Variants in PGLYRP1 observed in about 807,000 individuals in gnomAD.
PGLYRP1 encodes the protein peptidoglycan recognition protein 1.
PGLYRP1 carries 18 observed loss-of-function variants against 16.3 expected under a neutral mutation model. That is an observed-to-expected ratio of 1.11 (90% CI 0.77 to 1.64). The LOEUF (loss-of-function observed/expected upper bound fraction) is 1.64, where lower values mean the gene tolerates loss of function less well. Ranked by LOEUF, PGLYRP1 falls within the 40% of genes most tolerant of loss-of-function variation. The pLI, the probability that PGLYRP1 is intolerant of heterozygous loss-of-function variation, is 0.00. For missense variants in PGLYRP1, 261 were observed against 268.6 expected, an observed-to-expected ratio of 0.97 and a Z score of 0.20; for synonymous variants, 89 against 105.7, an observed-to-expected ratio of 0.84 and a Z score of 0.97.
In PGLYRP1 at chr19:46,019,661, T is replaced by TG. The variant is rs770958509; in HGVS notation, c.288-15dup. ...CCAATCAGGAAGCTGCATGGGGAGG[T>TG]GGGGGGGCTTGATGAGTGAGGGAGG... is the stretch of plus-strand genomic sequence containing the variant. On this transcript the variant is annotated splice_polypyrimidine_tract_variant and intron_variant, in intron 1 of 2. Transcript: ENST00000008938. This position sits in a 1 kb window ranked among gnomAD's most constrained non-coding sequence, Gnocchi z 4.8. The TG allele has an allele frequency of 8.7e-6, 14 of 1,609,682 alleles. No individual in the cohort carries two copies. Among genetic ancestry groups the TG allele is most frequent in the Admixed American group, 1.7e-5 (1 of 59,772 alleles).
At chr19:46,021,038 A>T (rs2041991) in intron 1 of PGLYRP1, 57,566 of 152,176 alleles carry the variant, frequency 0.38, 11,361 homozygotes, top group South Asian at 0.51. Flanking sequence ...TTGAAACCTC[A>T]GCCACCATCG....
intron 1 of PGLYRP1, 117 bp downstream of exon 1, chr19:46,022,618 C>T: frequency 8.6e-7 from 1 of 1,168,666 alleles, no homozygotes; most frequent in Non-Finnish European, 1.2e-6. Flanking sequence ...GTAAGCTGCT[C>T]AGGGTGTCAG....
rs141970061 is a variant in PGLYRP1, at chr19:46,019,623, G to C, written c.312C>G (p.Leu104=). ...AGTTCCAGCCACGGCCCTCGTATAC[G>C]AGCCCGTCTTCTCCAATCAGGAAGC... The part of the protein sequence containing the change: ...GYNFLIGEDG[L]VYEGRGWNFT... Residue 104 remains leucine (L), a synonymous_variant, in exon 2 of 3, where the codon CTC becomes CTG. Transcript: ENST00000008938. The surrounding 1 kb of genome is among the most constrained non-coding windows in gnomAD (Gnocchi z 4.8). 11,378 of 1,613,684 alleles carry C rather than the reference G, an allele frequency of 7.1e-3. 62 individuals are homozygous for C. Among genetic ancestry groups the C allele is most frequent in the Non-Finnish European group, 7.3e-3 (8,623 of 1,179,942 alleles).
chr19:46,022,279 A>G (rs1305825371), intron 1 of PGLYRP1, among the ~76,000 whole-genome samples: 8 of 152,098 alleles, frequency 5.3e-5, no homozygotes, highest in African/African-American at 1.9e-4. Flanking sequence ...CCGCGATTCC[A>G]TTGACTTTGC....
chr19:46,022,704 A>G (rs770516955), intron 1 of PGLYRP1, 31 bp downstream of exon 1: 78 of 1,611,832 alleles, frequency 4.8e-5, no homozygotes, highest in Non-Finnish European at 6.4e-5. Flanking sequence ...TGGGATCCCC[A>G]GTCCAGCCCG....
Position 46,019,517 on chromosome 19 carries a change from GTCAC to G in PGLYRP1, c.409+5_409+8del. ...AGCCCCCATCCCAACTGGCTGGACA[GTCAC>G]TCACCCATGTAGTTGCCCATGAAGC... On this transcript the variant is annotated splice_donor_5th_base_variant and intron_variant, in intron 2 of 2. Coordinates refer to ENST00000008938, the MANE Select transcript of PGLYRP1 (RefSeq NM_005091.3). The surrounding 1 kb of genome is among the most constrained non-coding windows in gnomAD (Gnocchi z 4.8). The G allele has an allele frequency of 2.5e-6, 4 of 1,613,844 alleles. No individual in the cohort carries two copies. The highest frequency in any genetic ancestry group is 3.4e-6 in the Non-Finnish European group (4 of 1,179,844).
At chr19:46,022,531 C>T (rs902296825) in intron 1 of PGLYRP1, among the ~76,000 whole-genome samples, 4 of 152,282 alleles carry the variant, frequency 2.6e-5, no homozygotes, top group African/African-American at 9.6e-5. Flanking sequence ...ATCCCCCCTT[C>T]TCACGCATCT....
chr19:46,021,596 G>T (rs984606052), intron 1 of PGLYRP1, among the ~76,000 whole-genome samples: 1 of 152,060 alleles, frequency 6.6e-6, no homozygotes, highest in South Asian at 2.1e-4. Context: ...GCTGGTAGGC[G>T]TGGCCCCGGA....
At position 46,019,337 on chromosome 19, in the gene PGLYRP1, G is replaced by A; in HGVS notation, c.492C>T (p.Asn164=). ...CGVAQGALRS[N]YVLKGHRDVQ... ...CATCCCGGTGTCCTTTGAGCACATA[G>A]TTGGACCTCAGGGCTCCCTGAGCCA... Residue 164 remains asparagine (N), a synonymous_variant, in exon 3 of 3, where the codon AAC becomes AAT. Coordinates refer to ENST00000008938, the MANE Select transcript of PGLYRP1 (RefSeq NM_005091.3). The surrounding 1 kb of genome is among the most constrained non-coding windows in gnomAD (Gnocchi z 4.8). 1 of 1,613,904 alleles carries A rather than the reference G, an allele frequency of 6.2e-7. No individual in the cohort carries two copies. Among genetic ancestry groups the A allele is most frequent in the Non-Finnish European group, 8.5e-7 (1 of 1,179,930 alleles).
At chr19:46,021,061 A>T (rs1265333272) in intron 1 of PGLYRP1, 1 of 152,350 alleles carries the variant, frequency 6.6e-6, no homozygotes, top group African/African-American at 2.4e-5. Context: ...AAGCGGGTAC[A>T]GTCAGAAGCC....
chr19:46,022,651 C>T, intron 1 of PGLYRP1, 84 bp downstream of exon 1: 2 of 1,525,242 alleles, frequency 1.3e-6, no homozygotes, highest in Admixed American at 3.4e-5. Flanking sequence ...AGCACCAGGC[C>T]TAGAAATGGT....
intron 1 of PGLYRP1, among the ~76,000 whole-genome samples, 156 bp downstream of exon 1, chr19:46,022,579 C>T (rs1969056559): frequency 6.6e-6 from 1 of 152,250 alleles, no homozygotes; most frequent in Non-Finnish European, 1.5e-5. Context: ...ACGTGGTGAC[C>T]CGAGGAAGAA....
At chr19:46,022,257 G>A (rs1969052352) in intron 1 of PGLYRP1, among the ~76,000 whole-genome samples, 1 of 152,214 alleles carries the variant, frequency 6.6e-6, no homozygotes, top group South Asian at 2.1e-4. Flanking sequence ...GCTCATATAA[G>A]GAGCAGATGG....
At chr19:46,020,610 C>A (rs936612600) in intron 1 of PGLYRP1, among the ~76,000 whole-genome samples, 3 of 152,180 alleles carry the variant, frequency 2.0e-5, no homozygotes, top group Admixed American at 2.0e-4. Context: ...GACCCTGGAG[C>A]CCCAGCACCT....
chr19:46,022,617 T>C (rs1165289543), intron 1 of PGLYRP1, 118 bp downstream of exon 1: 15 of 1,159,524 alleles, frequency 1.3e-5, no homozygotes, highest in African/African-American at 3.1e-5. Context: ...AGTAAGCTGC[T>C]CAGGGTGTCA....
rs1320114697 is a variant in PGLYRP1 at position 46,022,906 on chromosome 19, C to T, written c.116G>A (p.Trp39Ter). 1 of 1,612,802 alleles carries T rather than the reference C, an allele frequency of 6.2e-7. No homozygotes were observed. The highest frequency in any genetic ancestry group is 8.5e-7 in the Non-Finnish European group (1 of 1,179,494). Reference sequence around the variant, plus strand: ...GGCGCACTCTGATGCCAGGGCCTTCCACTCGTTCCGGGGCACTATGGGGCT... The same window carrying T: ...GGCGCACTCTGATGCCAGGGCCTTCTACTCGTTCCGGGGCACTATGGGGCT... Reference protein sequence around the residue: ...CCSPIVPRNEWKALASECAQH... With the variant: ...CCSPIVPRNE Residue 39 changes from tryptophan (W) to a stop codon, truncating the protein, a stop_gained, in exon 1 of 3, where the codon TGG becomes TAG. Coordinates refer to ENST00000008938, the MANE Select transcript of PGLYRP1 (RefSeq NM_005091.3). LOFTEE classifies it high-confidence loss of function.
Position 46,022,775 on chromosome 19 carries a change from A to G in PGLYRP1, c.247T>C (p.Tyr83His), listed in dbSNP as rs373879776. The change falls in exon 1 of 3, where the codon TAC (tyrosine) becomes CAC (histidine). Residue 83 changes from tyrosine to histidine, a missense_variant. Tyr to His is a moderately conservative substitution (Grantham distance 83). Transcript: ENST00000008938. ...CACCAGCCCAGTGTCTTCATGTGGT[A>G]GTGCTGCACATTCCGGGCCTGCTGC... ...CQQQARNVQH[Y>H]HMKTLGWCDV... 16 of 1,614,098 alleles carry G rather than the reference A, an allele frequency of 9.9e-6. No individual in the cohort carries two copies. In the East Asian group the frequency reaches 1.3e-4, roughly 13 times the overall value.
intron 1 of PGLYRP1, chr19:46,021,294 G>A (rs532117618): frequency 2.0e-5 from 3 of 152,294 alleles, no homozygotes; most frequent in African/African-American, 4.8e-5. Context: ...TGAAGTTGGA[G>A]TCTTTGATAA....
chr19:46,022,038 A>AT (rs142529582), intron 1 of PGLYRP1, among the ~76,000 whole-genome samples: 2,935 of 151,976 alleles, frequency 0.019, 100 homozygotes, highest in African/African-American at 0.066. Context: ...CTTTCCTTTT[A>AT]TCCATCGCCT....
Sources: gnomAD v4.1 joint callset for allele counts (sites outside exome capture counted in the v4.1 genomes callset) on GRCh38, gnomAD v4.1.1 for gene constraint, Gnocchi (gnomAD v3.1) non-coding constraint, MANE v1.5 for transcripts, NCBI Gene and HGNC (gene_info 2026-07-23, HGNC 2026-07-21) for gene names.